ORC4: variants seen among roughly 807,000 people sequenced by gnomAD.
ORC4 encodes the protein origin recognition complex subunit 4, also known as origin recognition complex, subunit 4 homolog.
In ORC4, 55 loss-of-function variants were observed where a neutral mutation model predicts 63.9. The observed-to-expected ratio is 0.86, with a 90% CI of 0.69 to 1.08. ORC4 has a LOEUF of 1.08. Ranked by LOEUF, ORC4 falls within the 50% of genes least tolerant of loss-of-function variation. The probability of loss-of-function intolerance (pLI) is 0.00; values close to 1 mark genes in which losing one functional copy is unlikely to be tolerated. For synonymous variants in ORC4, 150 were observed against 168.5 expected (o/e 0.89, Z 0.85); for missense variants, 511 against 504.4 (o/e 1.01, Z -0.13).
intron 1 of ORC4, among the ~76,000 whole-genome samples, chr2:147,998,335 T>C (rs984136753): frequency 2.0e-5 from 3 of 152,170 alleles, no homozygotes; most frequent in African/African-American, 4.8e-5. Flanking sequence ...AACCCCAGCG[T>C]GGCAATATTG....
intron 10 of ORC4, among the ~76,000 whole-genome samples, chr2:147,940,265 CTT>C (rs1262623815): frequency 2.0e-5 from 3 of 151,752 alleles, no homozygotes; most frequent in Non-Finnish European, 4.4e-5. Context: ...ATTTGTGAGA[CTT>C]TGGTGAATGC....
chr2:148,000,512 T>C (rs1297918667), intron 1 of ORC4, among the ~76,000 whole-genome samples: 3 of 152,052 alleles, frequency 2.0e-5, no homozygotes, highest in African/African-American at 4.8e-5. Flanking sequence ...CTTATATAAA[T>C]ATAATACCAC....
chr2:147,964,149 TTAAAA>T (rs1310481126), intron 4 of ORC4, among the ~76,000 whole-genome samples: 4 of 151,880 alleles, frequency 2.6e-5, no homozygotes, highest in African/African-American at 9.7e-5. Flanking sequence ...CCAGAAGAAT[TTAAAA>T]TAATAATCTT....
chr2:147,971,141 A>G (rs1413828368), intron 4 of ORC4, among the ~76,000 whole-genome samples: 1 of 151,628 alleles, frequency 6.6e-6, no homozygotes, highest in Non-Finnish European at 1.5e-5. Context: ...TATTCTTGTA[A>G]GTAAGTAAGT....
rs1337942860 is a variant in ORC4, at chr2:147,934,708, A to C, written c.*802T>G. 6.6e-6 allele frequency: 1 copy of C among 152,218 alleles called. No individual in the cohort carries two copies. Among genetic ancestry groups the C allele is most frequent in the African/African-American group, 2.4e-5 (1 of 41,456 alleles). 9.4% of individuals were successfully genotyped at this position (152,218 alleles called of 1,614,324 possible). A position where few individuals can be genotyped will look rare whatever the true frequency, so the allele number is the denominator to read the frequency against. On this transcript the variant is annotated 3_prime_UTR_variant, in exon 14 of 14. Coordinates refer to ENST00000392857, the MANE Select transcript of ORC4 (RefSeq NM_181741.4). ...ATGTTACTGTAATCATACTGTAGGCAACTGTAACACAATGGTAAAACATTT... is the reference window on the plus strand; with the variant it reads ...ATGTTACTGTAATCATACTGTAGGCCACTGTAACACAATGGTAAAACATTT...
At chr2:147,996,473 A>T (rs1430254285) in intron 1 of ORC4, among the ~76,000 whole-genome samples, 1 of 152,234 alleles carries the variant, frequency 6.6e-6, no homozygotes, top group East Asian at 1.9e-4. Context: ...CTGCTCTACC[A>T]AATGGCACTA....
chr2:147,944,495 A>T (rs148526722), intron 9 of ORC4, among the ~76,000 whole-genome samples: 3 of 152,214 alleles, frequency 2.0e-5, no homozygotes, highest in African/African-American at 7.2e-5. Context: ...AAATTCAAAG[A>T]TCACCACAGC....
At chr2:147,980,806 G>A (rs547267713) in intron 1 of ORC4, among the ~76,000 whole-genome samples, 1 of 152,130 alleles carries the variant, frequency 6.6e-6, no homozygotes. Context: ...AAACAGTATG[G>A]AGGTTCTTGA....
chr2:147,967,933 C>T (rs1328506589), intron 4 of ORC4, among the ~76,000 whole-genome samples: 2 of 152,004 alleles, frequency 1.3e-5, no homozygotes, highest in Admixed American at 6.6e-5. Context: ...CAGCATGGTA[C>T]TGGCATAAAA....
In ORC4 at chr2:147,975,902, C is replaced by A; in HGVS notation, c.57G>T (p.Gln19His). 1.0e-5 allele frequency: 16 copies of A among 1,530,912 alleles called. No individual in the cohort carries two copies. The highest frequency in any genetic ancestry group is 1.4e-5 in the Non-Finnish European group (16 of 1,104,394). The allele number at this position is 1,530,912 out of a possible 1,614,324, so 94.8% of individuals were successfully genotyped here. The change falls in exon 2 of 14, where the codon CAG becomes CAT. Residue 19 changes from glutamine (Q) to histidine (H), a missense_variant and splice_region_variant. Coordinates refer to ENST00000392857, the MANE Select transcript of ORC4 (RefSeq NM_181741.4). ...NSLIHTECLSQVQRILRERFC... is the reference protein window; with the variant it reads ...NSLIHTECLSHVQRILRERFC... The stretch of plus-strand genomic sequence containing the variant: ...GAGATTAATGAAAATACATACTAAC[C>A]TGTGAAAGGCACTCTGTGTGAATTA...
At chr2:147,948,395 C>A (rs1307591354) in intron 8 of ORC4, among the ~76,000 whole-genome samples, 171 bp from the exon 9 acceptor site, 1 of 152,040 alleles carries the variant, frequency 6.6e-6, no homozygotes. Context: ...TAATCCACCT[C>A]CAGGCATTTG....
intron 7 of ORC4, among the ~76,000 whole-genome samples, chr2:147,952,827 G>C (rs1432249338): frequency 6.6e-6 from 1 of 151,920 alleles, no homozygotes; most frequent in Non-Finnish European, 1.5e-5. Context: ...GGGAGTTCGA[G>C]ACCAGCCTGA....
chr2:147,938,515 C>T, intron 11 of ORC4, 122 bp from the exon 12 acceptor site: 1 of 674,292 alleles, frequency 1.5e-6, no homozygotes, highest in Non-Finnish European at 2.7e-6. Context: ...GGTCAAGATT[C>T]TTCTAGATTT....
At chr2:147,943,019 T>C (rs919610640) in intron 10 of ORC4, among the ~76,000 whole-genome samples, 4 of 152,274 alleles carry the variant, frequency 2.6e-5, no homozygotes, top group African/African-American at 7.2e-5. Flanking sequence ...CCATTTACAA[T>C]TGTTCTAACA....
At chr2:147,984,461 T>C (rs1408020307) in intron 1 of ORC4, among the ~76,000 whole-genome samples, 3 of 152,160 alleles carry the variant, frequency 2.0e-5, no homozygotes, top group South Asian at 4.1e-4. Flanking sequence ...TCCAGTCAAG[T>C]AGGCTATTAA....
At chr2:147,935,847 A>T in intron 13 of ORC4, 149 bp from the exon 14 acceptor site, 1 of 650,824 alleles carries the variant, frequency 1.5e-6, no homozygotes, top group Non-Finnish European at 2.7e-6. Flanking sequence ...GATTAAAAAA[A>T]CTCTCACAAC....
Position 147,935,038 on chromosome 2 carries a change from C to G in ORC4, c.*472G>C, listed in dbSNP as rs1687973608. On this transcript the variant is annotated 3_prime_UTR_variant, in exon 14 of 14. Coordinates refer to ENST00000392857, the MANE Select transcript of ORC4 (RefSeq NM_181741.4). ...TGACTAAGCTGGTTAGTCTTCTGAA[C>G]TAGAAAACCTGGGTCTGGGATAGAA... 1 of 157,554 alleles carries G rather than the reference C, an allele frequency of 6.3e-6. No individual in the cohort carries two copies. The highest frequency in any genetic ancestry group is 1.4e-5 in the Non-Finnish European group (1 of 71,338). 9.8% of individuals were successfully genotyped at this position (157,554 alleles called of 1,614,324 possible).
At chr2:147,937,445 C>T (rs1688116536) in intron 13 of ORC4, among the ~76,000 whole-genome samples, 1 of 151,992 alleles carries the variant, frequency 6.6e-6, no homozygotes, top group African/African-American at 2.4e-5. Context: ...ATCTAAACAG[C>T]AAGAATTTCC....
At chr2:147,994,637 T>C (rs565072368) in intron 1 of ORC4, among the ~76,000 whole-genome samples, 3 of 152,164 alleles carry the variant, frequency 2.0e-5, no homozygotes, top group Non-Finnish European at 2.9e-5. Context: ...GACATACACA[T>C]GCCAAAACAT....
Sources: gnomAD v4.1 joint callset for allele counts (sites outside exome capture counted in the v4.1 genomes callset) on GRCh38, gnomAD v4.1.1 for gene constraint, MANE v1.5 for transcripts, NCBI Gene and HGNC (gene_info 2026-07-23, HGNC 2026-07-21) for gene names.